Variants in TMC2 observed in about 807,000 individuals in gnomAD.
TMC2 encodes transmembrane channel-like protein 2.
A neutral mutation model predicts 105.9 loss-of-function variants in TMC2; 102 were observed. The ratio of observed to expected loss-of-function variants is 0.96; its 90% CI spans 0.82 to 1.14. The LOEUF (loss-of-function observed/expected upper bound fraction) is 1.14, where lower values mean the gene tolerates loss of function less well. Among genes scored for constraint, TMC2 ranks in the 50% most tolerant of loss-of-function variants. TMC2 has a pLI of 0.00. For synonymous variants in TMC2, 402 were observed against 422.8 expected, an observed-to-expected ratio of 0.95 and a Z score of 0.60; for missense variants, 1,093 against 1,134.3, an observed-to-expected ratio of 0.96 and a Z score of 0.52.
At position 2,558,919 on chromosome 20, in the gene TMC2, C is replaced by G; in HGVS notation, c.401+145C>G. ...CGCTCTGGCTTCCGTGCCTCCCAGC[C>G]CTTACCACTGCCCCACTCTGCGGTG... On this transcript the variant is annotated intron_variant, in intron 3 of 19. Coordinates refer to ENST00000358864, the MANE Select transcript of TMC2 (RefSeq NM_080751.3). This position sits in a 1 kb window ranked among gnomAD's most constrained non-coding sequence, Gnocchi z 4.6. 1 of 810,246 alleles carries G rather than the reference C, an allele frequency of 1.2e-6. No individual in the cohort carries two copies. Among genetic ancestry groups the G allele is most frequent in the Non-Finnish European group, 1.9e-6 (1 of 529,070 alleles). 50.2% of individuals were successfully genotyped at this position (810,246 alleles called of 1,614,324 possible). A position where few individuals can be genotyped will look rare whatever the true frequency, so the allele number is the denominator to read the frequency against.
Position 2,572,220 on chromosome 20 carries a change from G to A in TMC2, c.596G>A (p.Gly199Glu), listed in dbSNP as rs376912384. The change falls in exon 5 of 20, where the codon GGA (glycine) becomes GAA (glutamate). Residue 199 changes from glycine (G) to glutamate (E), a missense_variant. Transcript: ENST00000358864. Reference protein sequence around the residue: ...EFVEKYEGALGKGKGKQLYAY... With the variant: ...EFVEKYEGALEKGKGKQLYAY... Reference sequence around the variant, plus strand: ...GTGGAGAAGTATGAAGGTGCCTTGGGAAAGGGGAAAGGCAAGCAACTATAT... The same window carrying A: ...GTGGAGAAGTATGAAGGTGCCTTGGAAAAGGGGAAAGGCAAGCAACTATAT... 2.9e-5 allele frequency: 46 copies of A among 1,613,782 alleles called. No individual in the cohort carries two copies. In the African/African-American group the frequency reaches 4.4e-4, roughly 15 times the overall value.
intron 7 of TMC2, among the ~76,000 whole-genome samples, chr20:2,589,253 A>G (rs1039718571): frequency 8.3e-6 from 1 of 120,448 alleles, no homozygotes; most frequent in Non-Finnish European, 1.7e-5. Flanking sequence ...CTTTTTCCAG[A>G]TATCTTCCTA....
chr20:2,572,073 T>C, intron 4 of TMC2, 106 bp from the exon 5 acceptor site: 2 of 816,508 alleles, frequency 2.4e-6, no homozygotes, highest in Non-Finnish European at 4.1e-6. Context: ...TAACCAGGGG[T>C]ATACAAAGAC....
At chr20:2,584,503 T>TA (rs1035971288) in intron 7 of TMC2, among the ~76,000 whole-genome samples, 3 of 151,592 alleles carry the variant, frequency 2.0e-5, no homozygotes, top group African/African-American at 7.3e-5. Flanking sequence ...TCACCATGCC[T>TA]AAAAAATGAA....
In TMC2 at chr20:2,641,398, AC is replaced by A; in HGVS notation, c.*51del. 7.7e-7 allele frequency: 1 copy of A among 1,299,218 alleles called. No individual in the cohort carries two copies. The highest frequency in any genetic ancestry group is 1.1e-6 in the Non-Finnish European group (1 of 912,402). The allele number at this position is 1,299,218 out of a possible 1,614,324, so 80.5% of individuals were successfully genotyped here. ...TCGACCCTAGGGCTGATCCTCAAGTACCCCAGTTTCACACATACCAAACCAA... is the reference window on the plus strand; with the variant it reads ...TCGACCCTAGGGCTGATCCTCAAGTACCCAGTTTCACACATACCAAACCAA... On this transcript the variant is annotated 3_prime_UTR_variant, in exon 20 of 20. Transcript: ENST00000358864.
intron 2 of TMC2, among the ~76,000 whole-genome samples, chr20:2,552,053 C>T (rs1382513514): frequency 6.6e-6 from 1 of 151,454 alleles, no homozygotes; most frequent in Non-Finnish European, 1.5e-5. Context: ...GATCCCAGGG[C>T]TTTGAGAACA....
chr20:2,597,452 A>T (rs1448305892), intron 10 of TMC2, among the ~76,000 whole-genome samples, 154 bp downstream of exon 10: 1 of 152,142 alleles, frequency 6.6e-6, no homozygotes, highest in East Asian at 1.9e-4. Context: ...CAAACCCTTA[A>T]GTAAGAATGT....
chr20:2,631,658 A>G (rs761449699), intron 17 of TMC2, among the ~76,000 whole-genome samples: 1 of 149,726 alleles, frequency 6.7e-6, no homozygotes, highest in African/African-American at 2.5e-5. Context: ...TTTCTTGTAT[A>G]TGATTATTTG....
chr20:2,584,251 C>T (rs996536083), intron 7 of TMC2, among the ~76,000 whole-genome samples: 61 of 151,290 alleles, frequency 4.0e-4, no homozygotes, highest in South Asian at 8.3e-4. Flanking sequence ...GAGACCATCC[C>T]GGCTAACACG....
At position 2,613,168 on chromosome 20, in the gene TMC2, C is replaced by G. The variant is rs759777286; in HGVS notation, c.1744-26C>G. On this transcript the variant is annotated intron_variant, in intron 13 of 19. Coordinates refer to ENST00000358864, the MANE Select transcript of TMC2 (RefSeq NM_080751.3). ...GAGAAGTGGGCAAGGTCTCCAACCACCCCCTCTTCCTGTGTTCCTCTGCAG... is the reference window on the plus strand; with the variant it reads ...GAGAAGTGGGCAAGGTCTCCAACCAGCCCCTCTTCCTGTGTTCCTCTGCAG... 1.9e-6 allele frequency: 3 copies of G among 1,603,860 alleles called. No homozygotes were observed. In the South Asian group the frequency reaches 3.3e-5, roughly 18 times the overall value.
At position 2,624,335 on chromosome 20, in the gene TMC2, G is replaced by A; in HGVS notation, c.2245G>A (p.Gly749Ser). Residue 749 changes from glycine (G) to serine (S), a missense_variant, in exon 17 of 20, where the codon GGC (glycine) becomes AGC (serine). Transcript: ENST00000358864. ...TGAAAACGATTTCCCAACCTTCCTG[G>A]GCAAGATCTTTGCTTTCCTCGCCAA... ...TIENDFPTFLGKIFAFLANPG... is the reference protein window; with the variant it reads ...TIENDFPTFLSKIFAFLANPG... 1.9e-6 allele frequency: 3 copies of A among 1,614,058 alleles called. No homozygotes were observed. The highest frequency in any genetic ancestry group is 2.5e-6 in the Non-Finnish European group (3 of 1,179,988).
intron 13 of TMC2, among the ~76,000 whole-genome samples, 166 bp from the exon 14 acceptor site, chr20:2,613,028 T>C (rs576263118): frequency 2.6e-5 from 4 of 152,302 alleles, no homozygotes; most frequent in African/African-American, 9.6e-5. Flanking sequence ...TTAAGCATTT[T>C]CCAGAGCCAG....
At position 2,597,135 on chromosome 20, in the gene TMC2, G is replaced by A; in HGVS notation, c.1077-16G>A. The stretch of plus-strand genomic sequence containing the variant: ...GAAAGAGGGCAGACGTCACAACAGT[G>A]CTGTGTGCCCTACAGGATGGCCAGC... On this transcript the variant is annotated splice_polypyrimidine_tract_variant and intron_variant, in intron 9 of 19. Coordinates refer to ENST00000358864, the MANE Select transcript of TMC2 (RefSeq NM_080751.3). 1.2e-6 allele frequency: 2 copies of A among 1,613,304 alleles called. No homozygotes were observed. The highest frequency in any genetic ancestry group is 8.5e-7 in the Non-Finnish European group (1 of 1,179,532).
At chr20:2,575,963 A>C (rs6106988) in intron 5 of TMC2, among the ~76,000 whole-genome samples, 27,980 of 151,998 alleles carry the variant, frequency 0.18, 4,226 homozygotes, top group African/African-American at 0.42. Flanking sequence ...AGCCATATTT[A>C]TTGCATCCTA....
rs1007664657 is a variant in TMC2, at chr20:2,547,437, C to G, written c.82+10121C>G. ...ACACATAATTGCTGAAATGTTTGAACATTTTACCTACACAAGTTAACCTAG... is the reference window on the plus strand; with the variant it reads ...ACACATAATTGCTGAAATGTTTGAAGATTTTACCTACACAAGTTAACCTAG... On this transcript the variant is annotated intron_variant, in intron 2 of 19. Coordinates refer to ENST00000358864, the MANE Select transcript of TMC2 (RefSeq NM_080751.3). 2.6e-5 allele frequency among the ~76,000 whole-genome samples: 4 copies of G among 152,174 alleles called. No homozygotes were observed. In the South Asian group the frequency reaches 8.3e-4, roughly 31 times the overall value.
At chr20:2,634,760 A>C (rs6138621) in intron 17 of TMC2, among the ~76,000 whole-genome samples, 115,247 of 152,142 alleles carry the variant, frequency 0.76, 43,788 homozygotes, top group East Asian at 0.87. Context: ...AATGGCAAGG[A>C]CTGGCCCAGA....
At chr20:2,625,322 T>G (rs2086556495) in intron 17 of TMC2, among the ~76,000 whole-genome samples, 3 of 152,190 alleles carry the variant, frequency 2.0e-5, no homozygotes, top group Admixed American at 2.0e-4. Context: ...TTACTTCAGG[T>G]TTATCTTTCT....
At chr20:2,612,159 T>G in intron 12 of TMC2, 32 bp from the exon 13 acceptor site, 1 of 1,568,746 alleles carries the variant, frequency 6.4e-7, no homozygotes, top group Non-Finnish European at 8.7e-7. Flanking sequence ...CCCTAGCTCC[T>G]TCCTACCCCA....
chr20:2,558,158 CTG>C lies in TMC2; in HGVS notation c.83-293_83-292del. 1 of 468,070 alleles carries C rather than the reference CTG, an allele frequency of 2.1e-6. No homozygotes were observed. The highest frequency in any genetic ancestry group is 2.0e-5 in the African/African-American group (1 of 50,264). 29.0% of individuals were successfully genotyped at this position (468,070 alleles called of 1,614,324 possible). A position where few individuals can be genotyped will look rare whatever the true frequency, so the allele number is the denominator to read the frequency against. ...TTTGTTCCGATTCCTCTTGGCCTCT[CTG>C]TGTGACTTTCCTTTCCTTGGGTATA... On this transcript the variant is annotated intron_variant, in intron 2 of 19. Coordinates refer to ENST00000358864, the MANE Select transcript of TMC2 (RefSeq NM_080751.3). The surrounding 1 kb of genome is among the most constrained non-coding windows in gnomAD (Gnocchi z 4.6).
Sources: allele counts gnomAD v4.1 joint callset (sites outside exome capture counted in the v4.1 genomes callset), GRCh38; gene constraint gnomAD v4.1.1; non-coding constraint Gnocchi (gnomAD v3.1); transcripts MANE v1.5; gene names NCBI Gene and HGNC (gene_info 2026-07-23, HGNC 2026-07-21).